The following ZNF423 variants were observed in gnomAD, a reference collection of about 807,000 sequenced individuals.
ZNF423 encodes Ebf-associated zinc finger protein.
In ZNF423, 12 loss-of-function variants were observed where a neutral mutation model predicts 95.8. The observed-to-expected ratio is 0.13, with a 90% confidence interval of 0.08 to 0.20. The LOEUF is 0.20. Among genes scored for constraint, ZNF423 ranks in the 10% least tolerant of loss-of-function variants. ZNF423 has a pLI of 1.00. For missense variants in ZNF423, 1,316 were observed against 1,737.1 expected (o/e 0.76, Z 4.31); for synonymous variants, 749 against 711.9 (o/e 1.05, Z -0.83).
intron 5 of ZNF423, among the ~76,000 whole-genome samples, chr16:49,607,614 A>G (rs1404241536): frequency 1.3e-5 from 2 of 152,254 alleles, no homozygotes; most frequent in Non-Finnish European, 2.9e-5. Context: ...TGTTTTAGTC[A>G]TATGAAAGTA....
chr16:49,642,737 T>G (rs1973015317), intron 3 of ZNF423, among the ~76,000 whole-genome samples: 1 of 151,316 alleles, frequency 6.6e-6, no homozygotes, highest in Non-Finnish European at 1.5e-5. Context: ...GCTAGAGAGA[T>G]AAGCTAGGGC....
At chr16:49,657,976 T>A (rs1167300873) in intron 3 of ZNF423, among the ~76,000 whole-genome samples, 1 of 152,176 alleles carries the variant, frequency 6.6e-6, no homozygotes, top group African/African-American at 2.4e-5. Context: ...ATACTATTAC[T>A]CAACCTTGTC....
rs368885869 is a variant in ZNF423, at chr16:49,636,873, C to T, written c.2303G>A (p.Arg768His). The change falls in exon 4 of 8, where the codon CGC becomes CAC. Residue 768 changes from arginine (R) to histidine (H), a missense_variant. By Grantham distance (29) the Arg-to-His change is conservative. Around this residue, in one of 6 missense-constraint regions of ZNF423, gnomAD observed 620 missense variants for 775.6 expected, o/e 0.80. Transcript: ENST00000563137. This position sits in a 1 kb window ranked among gnomAD's most constrained non-coding sequence, Gnocchi z 8.6. ...YRCTACNWDF[R>H]KEADLQVHVK... ...GTGCACCTGCAGGTCAGCCTCCTTG[C>T]GGAAGTCCCAGTTGCAGGCCGTGCA... The T allele has an allele frequency of 5.0e-6, 8 of 1,613,888 alleles. No homozygotes were observed. Among genetic ancestry groups the T allele is most frequent in the South Asian group, 3.3e-5 (3 of 91,088 alleles).
chr16:49,616,802 A>C (rs1040263388), intron 5 of ZNF423, among the ~76,000 whole-genome samples: 2 of 152,134 alleles, frequency 1.3e-5, no homozygotes, highest in African/African-American at 4.8e-5. Context: ...CTGAGCTGAT[A>C]AGCACTGACA....
At chr16:49,758,284 A>AC (rs1472226322) in intron 2 of ZNF423, among the ~76,000 whole-genome samples, 6 of 151,980 alleles carry the variant, frequency 3.9e-5, no homozygotes, top group African/African-American at 1.4e-4. Flanking sequence ...GATTATAGGC[A>AC]CCCGCCACCA....
At chr16:49,501,831 G>A (rs1369612287) in intron 7 of ZNF423, among the ~76,000 whole-genome samples, 1 of 151,946 alleles carries the variant, frequency 6.6e-6, no homozygotes, top group Non-Finnish European at 1.5e-5. Flanking sequence ...AAACACTGTG[G>A]TGCGCACAGA....
At chr16:49,627,294 T>A (rs943435609) in intron 4 of ZNF423, among the ~76,000 whole-genome samples, 4 of 126,378 alleles carry the variant, frequency 3.2e-5, no homozygotes, top group African/African-American at 9.2e-5. Flanking sequence ...CATCTACCCA[T>A]CCATCCATCT....
At chr16:49,513,152 C>T (rs1439746219) in intron 7 of ZNF423, among the ~76,000 whole-genome samples, 1 of 152,096 alleles carries the variant, frequency 6.6e-6, no homozygotes, top group East Asian at 1.9e-4. Context: ...GGTCAGCAGC[C>T]AGCCCAACTC....
At chr16:49,716,142 G>A (rs1197828209) in intron 3 of ZNF423, among the ~76,000 whole-genome samples, 1 of 152,050 alleles carries the variant, frequency 6.6e-6, no homozygotes, top group African/African-American at 2.4e-5. Context: ...AGAAAAGGCT[G>A]GGTACAGGCT....
chr16:49,604,277 T>C (rs763457159), intron 5 of ZNF423, among the ~76,000 whole-genome samples: 1 of 152,116 alleles, frequency 6.6e-6, no homozygotes, highest in South Asian at 2.1e-4. Context: ...GCCCTCACCA[T>C]TGGGGTCACA....
At chr16:49,839,599 G>C (rs1210726502) in intron 1 of ZNF423, among the ~76,000 whole-genome samples, 1 of 152,202 alleles carries the variant, frequency 6.6e-6, no homozygotes, top group Non-Finnish European at 1.5e-5. Context: ...GAGGTCCCCA[G>C]GGCAAGACTG....
At chr16:49,791,169 G>T (rs182633298) in intron 1 of ZNF423, among the ~76,000 whole-genome samples, 1 of 152,232 alleles carries the variant, frequency 6.6e-6, no homozygotes, top group East Asian at 1.9e-4. Context: ...CCCGCATCCT[G>T]AGAGTGGACA....
rs2151639817 is a variant in ZNF423, at chr16:49,490,961, A to C, written c.*314T>G. The C allele has an allele frequency of 5.6e-6, 2 of 358,446 alleles. No individual in the cohort carries two copies. Among genetic ancestry groups the C allele is most frequent in the East Asian group, 4.2e-5 (1 of 23,844 alleles). The allele number at this position is 358,446 out of a possible 1,614,324, so 22.2% of individuals were successfully genotyped here. ...TTCTTTTTTAAAAACTATCAATATA[A>C]TACATGAAGGAACAAAGGACAATAG... is the stretch of plus-strand genomic sequence containing the variant. On this transcript the variant is annotated 3_prime_UTR_variant, in exon 8 of 8. Transcript: ENST00000563137.
At chr16:49,744,367 C>T (rs2033477573) in intron 2 of ZNF423, among the ~76,000 whole-genome samples, 1 of 152,080 alleles carries the variant, frequency 6.6e-6, no homozygotes, top group Admixed American at 6.5e-5. Flanking sequence ...AGGCTGTCCC[C>T]AGGCCGAGCA....
At chr16:49,575,057 C>G (rs190450426) in intron 5 of ZNF423, among the ~76,000 whole-genome samples, 1 of 152,104 alleles carries the variant, frequency 6.6e-6, no homozygotes, top group Non-Finnish European at 1.5e-5. Context: ...ATCGAGGGGT[C>G]GGGCCCATAC....
chr16:49,787,195 G>A (rs1000892621), intron 2 of ZNF423, among the ~76,000 whole-genome samples: 4 of 152,086 alleles, frequency 2.6e-5, no homozygotes, highest in Non-Finnish European at 4.4e-5. Context: ...CGTCTCACAC[G>A]CCCAGTGCTC....
At chr16:49,578,803 G>A (rs1597129860) in intron 5 of ZNF423, among the ~76,000 whole-genome samples, 1 of 152,256 alleles carries the variant, frequency 6.6e-6, no homozygotes, top group African/African-American at 2.4e-5. Context: ...TAGACCCAAG[G>A]ACCTTTTGTT....
At chr16:49,503,201 T>G (rs905522475) in intron 7 of ZNF423, among the ~76,000 whole-genome samples, 1 of 151,940 alleles carries the variant, frequency 6.6e-6, no homozygotes, top group African/African-American at 2.4e-5. Flanking sequence ...CACTGCTGAG[T>G]CCCTCCAGCA....
chr16:49,769,248 G>C lies in ZNF423; in HGVS notation c.100+20239C>G, dbSNP rs186135327. 7.4e-3 allele frequency among the ~76,000 whole-genome samples: 1,123 copies of C among 151,842 alleles called. 11 individuals are homozygous for C. Among genetic ancestry groups the C allele is most frequent in the African/African-American group, 0.025 (1,054 of 41,380 alleles). On this transcript the variant is annotated intron_variant, in intron 2 of 7. Transcript: ENST00000563137. ...TGGGCACCTGTAATCCCAGCTACTC[G>C]GGAGGCTGAGGCAGGAGAATCACTT... is the stretch of plus-strand genomic sequence containing the variant.
Sources: gnomAD v4.1 joint callset for allele counts (sites outside exome capture counted in the v4.1 genomes callset) on GRCh38, gnomAD v4.1.1 for gene constraint, gnomAD v4.1.1 regional missense constraint, Gnocchi (gnomAD v3.1) non-coding constraint, MANE v1.5 for transcripts, NCBI Gene and HGNC (gene_info 2026-07-23, HGNC 2026-07-21) for gene names.